Variants in FOSL2 observed in about 807,000 individuals in gnomAD.
The protein encoded by FOSL2 is fos-related antigen 2.
In FOSL2, 3 loss-of-function variants were observed where a neutral mutation model predicts 27.7. That is an observed-to-expected ratio of 0.11 (90% CI 0.05 to 0.28). The LOEUF (loss-of-function observed/expected upper bound fraction) is 0.28. FOSL2 is among the 10% of genes least tolerant of loss of function. The pLI is 1.00. For missense variants in FOSL2, 333 were observed against 445.1 expected (o/e 0.75, Z 2.27); for synonymous variants, 179 against 190.1 (o/e 0.94, Z 0.48).
At chr2:28,397,773 A>C (rs1483976987) in intron 1 of FOSL2, among the ~76,000 whole-genome samples, 1 of 152,328 alleles carries the variant, frequency 6.6e-6, no homozygotes. Context: ...TGCTGCGGCT[A>C]TGCTTAGACT....
At chr2:28,398,013 T>C (rs1663891048) in intron 1 of FOSL2, among the ~76,000 whole-genome samples, 1 of 152,180 alleles carries the variant, frequency 6.6e-6, no homozygotes, top group Admixed American at 6.5e-5. Flanking sequence ...TGGGAGAGCA[T>C]GCCCACGACA....
At position 28,416,410 on chromosome 2, in the gene FOSL2, T is replaced by C. The variant is rs1433557852; in HGVS notation, c.*3962T>C. On this transcript the variant is annotated 3_prime_UTR_variant, in exon 4 of 4. Coordinates refer to ENST00000264716, the MANE Select transcript of FOSL2 (RefSeq NM_005253.4). ...CATCTTCTTTATGTTGTATCAAGCC[T>C]GAATAGAAACTGATAGCATTAAAAT... 6.6e-6 allele frequency: 1 copy of C among 151,966 alleles called. No homozygotes were observed. Among genetic ancestry groups the C allele is most frequent in the African/African-American group, 2.4e-5 (1 of 41,384 alleles). The allele number at this position is 151,966 out of a possible 1,614,324, so 9.4% of individuals were successfully genotyped here.
chr2:28,397,522 T>C (rs1024605028), intron 1 of FOSL2, among the ~76,000 whole-genome samples: 2 of 152,222 alleles, frequency 1.3e-5, no homozygotes, highest in Admixed American at 6.5e-5. Flanking sequence ...TCAAAGGGAA[T>C]GGGGTGAAAT....
chr2:28,394,261 T>G (rs1181017796), intron 1 of FOSL2, among the ~76,000 whole-genome samples: 1 of 150,810 alleles, frequency 6.6e-6, no homozygotes, highest in East Asian at 2.0e-4. Context: ...GCCCTCTCTC[T>G]CTCCTCCCCG....
chr2:28,398,681 A>C (rs1663911391), intron 1 of FOSL2, among the ~76,000 whole-genome samples: 1 of 152,250 alleles, frequency 6.6e-6, no homozygotes, highest in Admixed American at 6.5e-5. Context: ...AAGGGAACCC[A>C]GGAAAGCGTG....
chr2:28,408,988 G>T lies in FOSL2; in HGVS notation c.462+122G>T. 1.7e-6 allele frequency: 1 copy of T among 595,446 alleles called. No individual in the cohort carries two copies. Among genetic ancestry groups the T allele is most frequent in the Non-Finnish European group, 2.9e-6 (1 of 343,328 alleles). 36.9% of individuals were successfully genotyped at this position (595,446 alleles called of 1,614,324 possible). A position where few individuals can be genotyped will look rare whatever the true frequency, so the allele number is the denominator to read the frequency against. The stretch of plus-strand genomic sequence containing the variant: ...ACAAATGCCCTACAGATGAGTCAGT[G>T]GAGATAGAGCTTTCCTTCCTTTGGA... On this transcript the variant is annotated intron_variant, in intron 3 of 3. Transcript: ENST00000264716. This position sits in a 1 kb window ranked among gnomAD's most constrained non-coding sequence, Gnocchi z 4.1.
chr2:28,404,467 G>T lies in FOSL2; in HGVS notation c.354+109G>T. The T allele has an allele frequency of 2.9e-6, 4 of 1,371,630 alleles. No homozygotes were observed. The South Asian group carries it at 5.6e-5, about 19-fold the overall frequency. The allele number at this position is 1,371,630 out of a possible 1,614,324, so 85.0% of individuals were successfully genotyped here. ...GGGTTAATGTTCTGAGAGCAGGGGA[G>T]ACAAGGGAGCTAGGGGTCGAAGAGC... is the stretch of plus-strand genomic sequence containing the variant. On this transcript the variant is annotated intron_variant, in intron 2 of 3. Transcript: ENST00000264716. This position sits in a 1 kb window ranked among gnomAD's most constrained non-coding sequence, Gnocchi z 4.7.
chr2:28,410,733 C>T (rs1381834654), intron 3 of FOSL2, among the ~76,000 whole-genome samples: 1 of 152,186 alleles, frequency 6.6e-6, no homozygotes. Flanking sequence ...GAGGTCCTTG[C>T]GGGGTGACCC....
At position 28,415,601 on chromosome 2, in the gene FOSL2, C is replaced by G. The variant is rs1419486659; in HGVS notation, c.*3153C>G. 1 of 152,204 alleles carries G rather than the reference C, an allele frequency of 6.6e-6. No individual in the cohort carries two copies. Among genetic ancestry groups the G allele is most frequent in the Non-Finnish European group, 1.5e-5 (1 of 68,042 alleles). 9.4% of individuals were successfully genotyped at this position (152,204 alleles called of 1,614,324 possible). A position where few individuals can be genotyped will look rare whatever the true frequency, so the allele number is the denominator to read the frequency against. On this transcript the variant is annotated 3_prime_UTR_variant, in exon 4 of 4. Coordinates refer to ENST00000264716, the MANE Select transcript of FOSL2 (RefSeq NM_005253.4). ...TTTTCTCTTTTCCTTGATGGACCAA[C>G]AGTGCAAATGCAATCTCGCCATTTA...
Position 28,413,492 on chromosome 2 carries a change from G to C in FOSL2, c.*1044G>C, listed in dbSNP as rs1329596980. ...CGCCACCCACAGAGATTTAATGAGCGTGGGCCTGGACCTTCCCCAGATGCT... is the reference window on the plus strand; with the variant it reads ...CGCCACCCACAGAGATTTAATGAGCCTGGGCCTGGACCTTCCCCAGATGCT... On this transcript the variant is annotated 3_prime_UTR_variant, in exon 4 of 4. Transcript: ENST00000264716. 4 of 398,642 alleles carry C rather than the reference G, an allele frequency of 1.0e-5. No homozygotes were observed. The highest frequency in any genetic ancestry group is 1.3e-5 in the Non-Finnish European group (3 of 226,200). 24.7% of individuals were successfully genotyped at this position (398,642 alleles called of 1,614,324 possible). A position where few individuals can be genotyped will look rare whatever the true frequency, so the allele number is the denominator to read the frequency against.
In FOSL2 at chr2:28,413,630, C is replaced by T; in HGVS notation, c.*1182C>T. 2.5e-6 allele frequency: 1 copy of T among 398,938 alleles called. No homozygotes were observed. 24.7% of individuals were successfully genotyped at this position (398,938 alleles called of 1,614,324 possible). On this transcript the variant is annotated 3_prime_UTR_variant, in exon 4 of 4. Coordinates refer to ENST00000264716, the MANE Select transcript of FOSL2 (RefSeq NM_005253.4). The stretch of plus-strand genomic sequence containing the variant: ...GCGTCTGCAGCAGCTGCTGCCCCAG[C>T]ACCCGCTCAGCCTGTCCTGGCTGCT...
chr2:28,415,569 G>A lies in FOSL2; in HGVS notation c.*3121G>A, dbSNP rs1664295667. On this transcript the variant is annotated 3_prime_UTR_variant, in exon 4 of 4. Transcript: ENST00000264716. ...TGTGGTTGAATTGTCTGGAGCACTG[G>A]GACTTTTTTTCTCTTTTCCTTGATG... 1 of 152,176 alleles carries A rather than the reference G, an allele frequency of 6.6e-6. No homozygotes were observed. The highest frequency in any genetic ancestry group is 2.4e-5 in the African/African-American group (1 of 41,438). The allele number at this position is 152,176 out of a possible 1,614,324, so 9.4% of individuals were successfully genotyped here.
intron 2 of FOSL2, among the ~76,000 whole-genome samples, chr2:28,406,309 G>A (rs1355726067): frequency 6.6e-6 from 1 of 152,060 alleles, no homozygotes; most frequent in African/African-American, 2.4e-5. Flanking sequence ...TGATCCACCC[G>A]CCTCAGCTTC....
At chr2:28,394,812 C>G (rs1417372207) in intron 1 of FOSL2, 2 of 152,274 alleles carry the variant, frequency 1.3e-5, no homozygotes, top group African/African-American at 2.4e-5. Flanking sequence ...TAACGCAGGC[C>G]CAATACAACA....
intron 1 of FOSL2, among the ~76,000 whole-genome samples, chr2:28,399,974 G>A (rs1663937184): frequency 6.6e-6 from 1 of 152,180 alleles, no homozygotes; most frequent in Admixed American, 6.5e-5. Flanking sequence ...GCTAAACTCT[G>A]CTCTAGGAGG....
chr2:28,401,417 T>C (rs1663970852), intron 1 of FOSL2, among the ~76,000 whole-genome samples: 1 of 152,176 alleles, frequency 6.6e-6, no homozygotes, highest in Non-Finnish European at 1.5e-5. Flanking sequence ...GCTACTCATT[T>C]AATCCTCATG....
chr2:28,410,832 G>A (rs1664178182), intron 3 of FOSL2, among the ~76,000 whole-genome samples: 1 of 152,186 alleles, frequency 6.6e-6, no homozygotes, highest in South Asian at 2.1e-4. Context: ...GGTTCTGGGA[G>A]TCCTGAAATA....
At chr2:28,398,593 C>G (rs1301244238) in intron 1 of FOSL2, among the ~76,000 whole-genome samples, 1 of 152,232 alleles carries the variant, frequency 6.6e-6, no homozygotes, top group Non-Finnish European at 1.5e-5. Context: ...CTAAGGCCTT[C>G]TCTTTCTGTT....
chr2:28,394,997 G>A (rs1370159405), intron 1 of FOSL2, among the ~76,000 whole-genome samples: 1 of 114,834 alleles, frequency 8.7e-6, no homozygotes, highest in African/African-American at 8.3e-5. Context: ...TGGATCTGAT[G>A]GGGGGGTCCC....
Sources: gnomAD v4.1 joint callset for allele counts (sites outside exome capture counted in the v4.1 genomes callset) on GRCh38, gnomAD v4.1.1 for gene constraint, Gnocchi (gnomAD v3.1) non-coding constraint, MANE v1.5 for transcripts, NCBI Gene and HGNC (gene_info 2026-07-23, HGNC 2026-07-21) for gene names.